Variants in WIPF1 observed in about 807,000 individuals in gnomAD.
WIPF1 encodes WAS/WASL-interacting protein family member 1.
In WIPF1, 13 loss-of-function variants were observed where a neutral mutation model predicts 35.4. The observed-to-expected ratio is 0.37, with a 90% CI of 0.24 to 0.58. WIPF1 has a LOEUF of 0.58. WIPF1 is among the 20% of genes least tolerant of loss of function. The pLI, the probability that WIPF1 is intolerant of heterozygous loss-of-function variation, is 0.74. For synonymous variants in WIPF1, 267 were observed against 266.3 expected (o/e 1.00, Z -0.02); for missense variants, 591 against 667.0 (o/e 0.89, Z 1.25).
chr2:174,599,777 AACAC>A (rs555292730), upstream of WIPF1, among the ~76,000 whole-genome samples: 1 of 107,262 alleles, frequency 9.3e-6, no homozygotes, highest in Non-Finnish European at 1.9e-5. Flanking sequence ...AGACACCCCA[AACAC>A]ACACACACAC....
At chr2:174,595,109 A>AAAAAAAAAATATATAT (rs1553529785) in intron 1 of WIPF1, among the ~76,000 whole-genome samples, 6 of 57,748 alleles carry the variant, frequency 1.0e-4, no homozygotes, top group Non-Finnish European at 1.4e-4. Context: ...AAAAAAAAAA[A>AAAAAAAAAATATATAT]ATATATATAT....
At position 174,571,851 on chromosome 2, in the gene WIPF1, C is replaced by A; in HGVS notation, c.954G>T (p.Pro318=). ...PPPPPPSRPG[P]PPLPPSSSGN... is the part of the protein sequence containing the mutation. ...CGCTGGAACTTGGAGGCAGAGGAGG[C>A]GGCCCGGGCCTGCTGGGAGGTGGCG... Residue 318 remains proline, a synonymous_variant, in exon 5 of 8, where the codon CCG becomes CCT. Transcript: ENST00000679041. The surrounding 1 kb of genome is among the most constrained non-coding windows in gnomAD (Gnocchi z 4.6). 6.2e-7 allele frequency: 1 copy of A among 1,613,940 alleles called. No homozygotes were observed. Among genetic ancestry groups the A allele is most frequent in the Non-Finnish European group, 8.5e-7 (1 of 1,179,942 alleles).
intron 1 of WIPF1, among the ~76,000 whole-genome samples, chr2:174,607,089 A>G (rs1686189169): frequency 6.6e-6 from 1 of 152,166 alleles, no homozygotes; most frequent in Admixed American, 6.5e-5. Flanking sequence ...GTCCCATGAT[A>G]AGGACATTAA....
At chr2:174,591,896 G>C (rs576684014) in intron 1 of WIPF1, among the ~76,000 whole-genome samples, 1 of 152,146 alleles carries the variant, frequency 6.6e-6, no homozygotes, top group African/African-American at 2.4e-5. Flanking sequence ...TGCAATGTTC[G>C]CTACAACGAG....
intron 1 of WIPF1, among the ~76,000 whole-genome samples, chr2:174,668,100 T>C (rs1304499109): frequency 6.6e-6 from 1 of 152,230 alleles, no homozygotes; most frequent in Non-Finnish European, 1.5e-5. Context: ...TCTCACCTCT[T>C]TAAGGCACTG....
intron 2 of WIPF1, among the ~76,000 whole-genome samples, chr2:174,585,102 G>A (rs576186929): frequency 6.6e-6 from 1 of 152,294 alleles, no homozygotes; most frequent in African/African-American, 2.4e-5. Flanking sequence ...GAGACCGGAA[G>A]ACACTTTAAT....
chr2:174,596,399 G>T (rs1442717714), intron 1 of WIPF1, among the ~76,000 whole-genome samples: 1 of 152,206 alleles, frequency 6.6e-6, no homozygotes, highest in Non-Finnish European at 1.5e-5. Flanking sequence ...CAAGTGAATT[G>T]TAAGAGTATG....
At chr2:174,650,527 A>T (rs1248894099) in intron 1 of WIPF1, among the ~76,000 whole-genome samples, 3 of 152,110 alleles carry the variant, frequency 2.0e-5, no homozygotes, top group Non-Finnish European at 2.9e-5. Context: ...GCTCCTGTAT[A>T]TGGGAGTTGT....
intron 1 of WIPF1, among the ~76,000 whole-genome samples, chr2:174,679,123 A>G (rs1574876216): frequency 1.3e-5 from 2 of 152,290 alleles, no homozygotes. Context: ...ACATCACCTC[A>G]TCTGACCCTT....
chr2:174,571,506 C>T lies in WIPF1; in HGVS notation c.1129+170G>A, dbSNP rs1044335. 0.11 allele frequency: 91,699 copies of T among 867,958 alleles called. 6,292 individuals are homozygous for T. Among genetic ancestry groups the T allele is most frequent in the African/African-American group, 0.3 (17,910 of 60,530 alleles). 53.8% of individuals were successfully genotyped at this position (867,958 alleles called of 1,614,324 possible). A position where few individuals can be genotyped will look rare whatever the true frequency, so the allele number is the denominator to read the frequency against. On this transcript the variant is annotated intron_variant, in intron 5 of 7. Transcript: ENST00000679041. This position sits in a 1 kb window ranked among gnomAD's most constrained non-coding sequence, Gnocchi z 4.6. The stretch of plus-strand genomic sequence containing the variant: ...AACAGAAATATTGGTCCCACTTTCC[C>T]CCGGGGTTTACACGAGGTCACGATC...
At chr2:174,654,549 T>G (rs995987224) in intron 1 of WIPF1, among the ~76,000 whole-genome samples, 1 of 152,192 alleles carries the variant, frequency 6.6e-6, no homozygotes, top group Non-Finnish European at 1.5e-5. Context: ...TAGAGTCTTC[T>G]GTGCTACAGG....
At chr2:174,671,655 C>G (rs1159661958) in intron 1 of WIPF1, among the ~76,000 whole-genome samples, 1 of 152,148 alleles carries the variant, frequency 6.6e-6, no homozygotes, top group Non-Finnish European at 1.5e-5. Flanking sequence ...GGGTAGGTCT[C>G]TAAAATGGCC....
chr2:174,676,936 A>T (rs1018313647), intron 1 of WIPF1: 2 of 152,118 alleles, frequency 1.3e-5, no homozygotes, highest in Non-Finnish European at 2.9e-5. Flanking sequence ...GCAAGGCGGG[A>T]AGATCGCTTG....
intron 6 of WIPF1, among the ~76,000 whole-genome samples, chr2:174,567,394 T>C (rs767550471): frequency 5.9e-5 from 9 of 152,206 alleles, no homozygotes; most frequent in Non-Finnish European, 1.0e-4. Flanking sequence ...GCAAAGTGGT[T>C]TTAGTGAGAG....
chr2:174,563,009 TC>T, intron 7 of WIPF1, among the ~76,000 whole-genome samples: 1 of 152,294 alleles, frequency 6.6e-6, no homozygotes, highest in East Asian at 1.9e-4. Flanking sequence ...GATCATATAG[TC>T]AGTTTGAACA....
intron 1 of WIPF1, among the ~76,000 whole-genome samples, chr2:174,679,363 G>A (rs1688204338): frequency 6.6e-6 from 1 of 152,076 alleles, no homozygotes; most frequent in African/African-American, 2.4e-5. Context: ...AGCTACTTGG[G>A]AGGCTGAGGC....
At chr2:174,609,466 G>A (rs1686277256) in intron 1 of WIPF1, among the ~76,000 whole-genome samples, 1 of 152,138 alleles carries the variant, frequency 6.6e-6, no homozygotes, top group South Asian at 2.1e-4. Context: ...TTTAACTCAA[G>A]AGAGCCTGCA....
chr2:174,643,494 C>A (rs767377097), intron 1 of WIPF1, among the ~76,000 whole-genome samples: 11 of 149,044 alleles, frequency 7.4e-5, no homozygotes, highest in African/African-American at 1.0e-4. Flanking sequence ...CTCACTGCAA[C>A]CTCCGCCTCC....
chr2:174,632,978 G>A (rs1687074063), intron 1 of WIPF1, among the ~76,000 whole-genome samples: 2 of 152,250 alleles, frequency 1.3e-5, no homozygotes, highest in South Asian at 4.1e-4. Context: ...TCCTACTGCA[G>A]TTCCCAAGTG....
Sources: gnomAD v4.1 joint callset for allele counts (sites outside exome capture counted in the v4.1 genomes callset) on GRCh38, gnomAD v4.1.1 for gene constraint, Gnocchi (gnomAD v3.1) non-coding constraint, MANE v1.5 for transcripts, NCBI Gene and HGNC (gene_info 2026-07-23, HGNC 2026-07-21) for gene names.